NBPF9: variants seen among roughly 807,000 people sequenced by gnomAD.
NBPF9 encodes NBPF member 9.
Under a neutral mutation model 97.8 loss-of-function variants are expected in NBPF9, and 91 were observed. The observed-to-expected ratio is 0.93, with a 90% CI of 0.79 to 1.11. The LOEUF (loss-of-function observed/expected upper bound fraction) is 1.11, where lower values mean the gene tolerates loss of function less well. Among genes scored for constraint, NBPF9 ranks in the 50% least tolerant of loss-of-function variants. The pLI, the probability that NBPF9 is intolerant of heterozygous loss-of-function variation, is 0.00. For missense variants in NBPF9, 992 were observed against 939.5 expected, an observed-to-expected ratio of 1.06 and a Z score of -0.73; for synonymous variants, 334 against 359.5, an observed-to-expected ratio of 0.93 and a Z score of 0.80.
chr1:149,078,948 G>C (rs2080149960), intron 9 of NBPF9, 59 bp downstream of exon 9: 1 of 1,409,974 alleles, frequency 7.1e-7, no homozygotes, highest in Non-Finnish European at 1.0e-6. Context: ...AAAGTATGGA[G>C]GTCTGGAGCC....
intron 14 of NBPF9, 76 bp downstream of exon 14, chr1:149,072,642 C>T: frequency 1.3e-6 from 2 of 1,525,352 alleles, no homozygotes; most frequent in Non-Finnish European, 1.8e-6. Flanking sequence ...ATACAACTGT[C>T]ATTGTGAAAG....
At chr1:149,065,188 C>CTCT (rs2078955665) in intron 18 of NBPF9, 1 of 650,648 alleles carries the variant, frequency 1.5e-6, no homozygotes, top group African/African-American at 1.8e-5. Context: ...TGGCAAGAGA[C>CTCT]ATTTAATTCA....
At chr1:149,084,783 G>A (rs1575862320) in intron 5 of NBPF9, among the ~76,000 whole-genome samples, 1 of 149,472 alleles carries the variant, frequency 6.7e-6, no homozygotes, top group Admixed American at 6.7e-5. Context: ...TCATGAATGG[G>A]CTGACACTGG....
rs1202698805 is a variant in NBPF9, at chr1:149,060,853, C to T, written c.2304-158G>A. On this transcript the variant is annotated intron_variant, in intron 23 of 29. Coordinates refer to ENST00000584027, the Ensembl canonical transcript of NBPF9. ...TTATTGCCTTCATGTTGGGACACAA[C>T]GGGGCCAAATGGAAAAGAATGAAAG... 11 of 410,186 alleles carry T rather than the reference C, an allele frequency of 2.7e-5. 4 individuals carry two copies. The highest frequency in any genetic ancestry group is 1.0e-4 in the African/African-American group (3 of 29,776). 25.4% of individuals were successfully genotyped at this position (410,186 alleles called of 1,614,324 possible). A position where few individuals can be genotyped will look rare whatever the true frequency, so the allele number is the denominator to read the frequency against.
chr1:149,084,528 C>T (rs587765724), intron 5 of NBPF9, among the ~76,000 whole-genome samples: 5 of 147,752 alleles, frequency 3.4e-5, no homozygotes, highest in Admixed American at 6.7e-5. Context: ...TCGAGCTCTC[C>T]GCCTCCCCCA....
chr1:149,071,909 T>C (rs781989066), intron 14 of NBPF9, among the ~76,000 whole-genome samples: 8 of 151,880 alleles, frequency 5.3e-5, no homozygotes, highest in Non-Finnish European at 1.2e-4. Flanking sequence ...AAAAGACCTT[T>C]CGCTTCCCAT....
At chr1:149,071,729 C>A (rs1196219701) in intron 14 of NBPF9, 53 bp from the exon 15 acceptor site, 5 of 973,966 alleles carry the variant, frequency 5.1e-6, no homozygotes, top group South Asian at 2.8e-5. Flanking sequence ...AGTCTGCAAG[C>A]ACAGTCAGCC....
chr1:149,064,655 G>C, intron 18 of NBPF9, 173 bp from the exon 19 acceptor site: 1 of 616,396 alleles, frequency 1.6e-6, no homozygotes, highest in Non-Finnish European at 2.9e-6. Flanking sequence ...AAACTGGCTT[G>C]GGTTCTTTCA....
intron 8 of NBPF9, among the ~76,000 whole-genome samples, chr1:149,079,823 A>C (rs878975910): frequency 6.6e-5 from 10 of 152,322 alleles, no homozygotes; most frequent in African/African-American, 1.9e-4. Flanking sequence ...TAAATTTCAC[A>C]TCAACAATTA....
intron 4 of NBPF9, among the ~76,000 whole-genome samples, chr1:149,095,796 A>T (rs2081722073): frequency 6.6e-6 from 1 of 152,040 alleles, no homozygotes; most frequent in African/African-American, 2.4e-5. Context: ...CAAAACGGTG[A>T]ACACACCAAA....
chr1:149,067,645 A>AT (rs2079114820), intron 17 of NBPF9, among the ~76,000 whole-genome samples: 1 of 150,764 alleles, frequency 6.6e-6, no homozygotes, highest in Admixed American at 6.6e-5. Context: ...TGAACTCATC[A>AT]TTTTTTATAG....
At chr1:149,098,015 C>T (rs1252798792) in intron 4 of NBPF9, among the ~76,000 whole-genome samples, 1 of 151,938 alleles carries the variant, frequency 6.6e-6, no homozygotes, top group Non-Finnish European at 1.5e-5. Flanking sequence ...AGTGCAGGGC[C>T]TTAGCCTGGG....
intron 3 of NBPF9, 114 bp downstream of exon 3, chr1:149,101,146 GGA>G (rs2082120713): frequency 6.6e-6 from 1 of 151,516 alleles, no homozygotes; most frequent in Non-Finnish European, 1.5e-5. Flanking sequence ...CAACACTTTG[GGA>G]GGCCGAGGCA....
intron 5 of NBPF9, chr1:149,090,297 G>T (rs1429216324): frequency 6.1e-6 from 1 of 163,792 alleles, no homozygotes; most frequent in Non-Finnish European, 1.3e-5. Context: ...GCGTCCAGTT[G>T]AAAAAACTTT....
At chr1:149,081,130 G>C (rs1322196659) in intron 7 of NBPF9, among the ~76,000 whole-genome samples, 2 of 152,064 alleles carry the variant, frequency 1.3e-5, no homozygotes, top group African/African-American at 2.4e-5. Flanking sequence ...CTTTTTGTTT[G>C]TTTGTTTTTT....
At chr1:149,102,229 C>A (rs2082189481) in intron 2 of NBPF9, among the ~76,000 whole-genome samples, 2 of 109,752 alleles carry the variant, frequency 1.8e-5, no homozygotes, top group Admixed American at 9.6e-5. Flanking sequence ...GCGCCCGGAC[C>A]ACCTGCACAT....
chr1:149,097,137 T>G, intron 4 of NBPF9, among the ~76,000 whole-genome samples: 3 of 130,236 alleles, frequency 2.3e-5, no homozygotes, highest in South Asian at 2.5e-4. Context: ...AGGGAAAGAA[T>G]AAAGAGAGAG....
chr1:149,093,353 C>T (rs1183991822), intron 4 of NBPF9, among the ~76,000 whole-genome samples: 2 of 152,070 alleles, frequency 1.3e-5, no homozygotes, highest in Admixed American at 1.3e-4. Context: ...GAGCAGGAGA[C>T]AGATGCCTTC....
chr1:149,086,777 ACT>A (rs1553658589), intron 5 of NBPF9, among the ~76,000 whole-genome samples: 1 of 150,994 alleles, frequency 6.6e-6, no homozygotes, highest in African/African-American at 2.4e-5. Context: ...AGAAGTCAAA[ACT>A]CTCTTCCTCC....
Sources: gnomAD v4.1 joint callset for allele counts (sites outside exome capture counted in the v4.1 genomes callset) on GRCh38, gnomAD v4.1.1 for gene constraint, MANE v1.5 for transcripts, NCBI Gene and HGNC (gene_info 2026-07-23, HGNC 2026-07-21) for gene names.